The following TRIM49 variants were observed in gnomAD, a reference collection of about 807,000 sequenced individuals.
TRIM49 encodes the protein tripartite motif-containing protein 49.
Under a neutral mutation model 27.4 loss-of-function variants are expected in TRIM49, and 5 were observed. The ratio of observed to expected loss-of-function variants is 0.18; its 90% CI spans 0.10 to 0.38. TRIM49 has a LOEUF of 0.38. Among genes scored for constraint, TRIM49 ranks in the 10% least tolerant of loss-of-function variants. The probability of loss-of-function intolerance (pLI) is 1.00; values close to 1 mark genes in which losing one functional copy is unlikely to be tolerated. For missense variants in TRIM49, 188 were observed against 487.5 expected, an observed-to-expected ratio of 0.39 and a Z score of 5.79; for synonymous variants, 69 against 166.0, an observed-to-expected ratio of 0.42 and a Z score of 4.49.
chr11:89,805,090 A>G (rs1949778359), intron 2 of TRIM49, among the ~76,000 whole-genome samples: 1 of 152,044 alleles, frequency 6.6e-6, no homozygotes, highest in African/African-American at 2.4e-5. Flanking sequence ...CCAACCAAAT[A>G]AACAAAGAAA....
chr11:89,777,619 T>A, the TRIM49 span, among the ~76,000 whole-genome samples: 4 of 149,768 alleles, frequency 2.7e-5, no homozygotes, highest in Non-Finnish European at 5.9e-5. Context: ...TTCAAACATA[T>A]AGAATGGAGC....
At chr11:89,803,586 T>C (rs1338313308) in intron 4 of TRIM49, 112 bp downstream of exon 4, 12 of 1,502,560 alleles carry the variant, frequency 8.0e-6, no homozygotes, top group Non-Finnish European at 1.1e-5. Context: ...CTCGCCTTTT[T>C]TTTTTTACTG....
rs1228475374 is a variant in TRIM49 at position 89,804,406 on chromosome 11, A to C, written c.64T>G (p.Phe22Val). 7.5e-6 allele frequency: 12 copies of C among 1,608,426 alleles called. No individual in the cohort carries two copies. The highest frequency in any genetic ancestry group is 1.7e-4 in the Middle Eastern group (1 of 5,768). The change falls in exon 3 of 8, where the codon TTC (phenylalanine) becomes GTC (valine). Residue 22 changes from phenylalanine (F) to valine (V), a missense_variant. Around this residue, in one of 6 missense-constraint regions of TRIM49, gnomAD observed 12 missense variants for 45.4 expected, o/e 0.26. Coordinates refer to ENST00000329758, the MANE Select transcript of TRIM49 (RefSeq NM_020358.2). Reference sequence around the variant, plus strand: ...CAGTCTATGGTGACCGGGTCTATGAAGTAGTTCATGCACAGGGGGCAGATG... The same window carrying C: ...CAGTCTATGGTGACCGGGTCTATGACGTAGTTCATGCACAGGGGGCAGATG... The part of the protein sequence containing the change: ...ELICPLCMNY[F>V]IDPVTIDCGH...
chr11:89,769,901 G>A, the TRIM49 span, among the ~76,000 whole-genome samples: 2 of 116,560 alleles, frequency 1.7e-5, no homozygotes, highest in Non-Finnish European at 3.3e-5. Flanking sequence ...GGCTGGATAT[G>A]GGTAGAGTCC....
chr11:89,787,760 C>G, the TRIM49 span: 52 of 718,622 alleles, frequency 7.2e-5, 2 homozygotes, highest in African/African-American at 1.0e-3. Context: ...GGAGGAGAAA[C>G]CCGAGGCGGA....
the TRIM49 span, chr11:89,777,349 A>G: frequency 6.5e-7 from 1 of 1,530,586 alleles, no homozygotes; most frequent in South Asian, 1.2e-5. Flanking sequence ...CATGGCTCAC[A>G]GCCACACCCA....
chr11:89,805,456 A>C (rs1455834243), intron 2 of TRIM49, among the ~76,000 whole-genome samples: 9 of 151,188 alleles, frequency 6.0e-5, no homozygotes, highest in Non-Finnish European at 1.3e-4. Context: ...ATCAGCTGAC[A>C]CCTCAGATAT....
the TRIM49 span, chr11:89,787,731 G>A: frequency 2.6e-5 from 26 of 1,018,578 alleles, no homozygotes; most frequent in African/African-American, 4.3e-4. Flanking sequence ...ATACCCAAGT[G>A]GCATAACAAG....
intron 2 of TRIM49, among the ~76,000 whole-genome samples, chr11:89,805,892 A>AT (rs1213831294): frequency 6.7e-6 from 1 of 149,218 alleles, no homozygotes; most frequent in Admixed American, 6.6e-5. Flanking sequence ...TAATTTTTGT[A>AT]TTTTTTTAGT....
chr11:89,789,679 T>C, the TRIM49 span: 2 of 152,200 alleles, frequency 1.3e-5, no homozygotes, highest in East Asian at 1.9e-4. Flanking sequence ...AGGCAGCTTC[T>C]GCTCGGGTTG....
At chr11:89,768,261 G>T in the TRIM49 span, 8 of 1,502,132 alleles carry the variant, frequency 5.3e-6, no homozygotes, top group Non-Finnish European at 7.2e-6. Flanking sequence ...ACAGGCTGGG[G>T]CATGTGCAGC....
At chr11:89,791,567 G>T in the TRIM49 span, among the ~76,000 whole-genome samples, 2 of 150,802 alleles carry the variant, frequency 1.3e-5, no homozygotes, top group Non-Finnish European at 3.0e-5. Context: ...CTACAAGCCA[G>T]AAGTGAGTGG....
rs532914862 is a variant in TRIM49 at position 89,800,463 on chromosome 11, G to A, written c.761+503C>T. 1.4e-3 allele frequency among the ~76,000 whole-genome samples: 209 copies of A among 151,726 alleles called. 1 individual carries two copies. The highest frequency in any genetic ancestry group is 2.1e-3 in the Non-Finnish European group (141 of 67,946). On this transcript the variant is annotated intron_variant, in intron 6 of 7. Transcript: ENST00000329758. ...TTCAAGCAATAAAACAAAATCAGGG[G>A]CCGGGCGCGGTGGTTCACGCCTGTA... is the stretch of plus-strand genomic sequence containing the variant.
At chr11:89,787,848 C>T in the TRIM49 span, 4 of 443,930 alleles carry the variant, frequency 9.0e-6, no homozygotes, top group Non-Finnish European at 1.6e-5. Flanking sequence ...TGAGAGTCCG[C>T]GGGTGCTTGA....
At chr11:89,793,747 G>C (rs1949670774), downstream of TRIM49, among the ~76,000 whole-genome samples, 1 of 151,908 alleles carries the variant, frequency 6.6e-6, no homozygotes, top group African/African-American at 2.4e-5. Flanking sequence ...AATAATAAGA[G>C]CTATTTATGA....
chr11:89,774,613 TAGACTG>T, the TRIM49 span, among the ~76,000 whole-genome samples: 2 of 141,276 alleles, frequency 1.4e-5, no homozygotes, highest in Admixed American at 1.4e-4. Context: ...ACAGAGCTTC[TAGACTG>T]AGACCATTCA....
chr11:89,802,333 C>T (rs1182497015), intron 4 of TRIM49, among the ~76,000 whole-genome samples: 1 of 150,572 alleles, frequency 6.6e-6, no homozygotes, highest in Non-Finnish European at 1.5e-5. Flanking sequence ...ATGAAAATGA[C>T]CTTAGACTAG....
At chr11:89,805,728 T>G (rs1374584551) in intron 2 of TRIM49, among the ~76,000 whole-genome samples, 1 of 149,940 alleles carries the variant, frequency 6.7e-6, no homozygotes, top group Non-Finnish European at 1.5e-5. Flanking sequence ...TTTTTGTTTT[T>G]TTTTTTTGAG....
chr11:89,782,452 G>A, the TRIM49 span: 1 of 1,363,500 alleles, frequency 7.3e-7, no homozygotes, highest in Non-Finnish European at 9.8e-7. Flanking sequence ...CTATGTGTGA[G>A]AGCCTGTGAG....
Sources: gnomAD v4.1 joint callset for allele counts (sites outside exome capture counted in the v4.1 genomes callset) on GRCh38, gnomAD v4.1.1 for gene constraint, gnomAD v4.1.1 regional missense constraint, MANE v1.5 for transcripts, NCBI Gene and HGNC (gene_info 2026-07-23, HGNC 2026-07-21) for gene names.